Variants in BCAR3 observed in about 807,000 individuals in gnomAD.
The protein encoded by BCAR3 is BCAR3 adaptor protein, NSP family member.
A neutral mutation model predicts 80.1 loss-of-function variants in BCAR3; 37 were observed. The ratio of observed to expected loss-of-function variants is 0.46; its 90% CI spans 0.36 to 0.61. The LOEUF is 0.61. Ranked by LOEUF, BCAR3 falls within the 20% of genes least tolerant of loss-of-function variation. The pLI, the probability that BCAR3 is intolerant of heterozygous loss-of-function variation, is 0.00. For missense variants in BCAR3, 978 were observed against 1,068.2 expected (o/e 0.92, Z 1.18); for synonymous variants, 389 against 418.9 (o/e 0.93, Z 0.87).
chr1:93,745,038 G>C (rs1027449743), intron 2 of BCAR3, among the ~76,000 whole-genome samples: 5 of 152,194 alleles, frequency 3.3e-5, no homozygotes, highest in Non-Finnish European at 7.3e-5. Context: ...TACCCAGCAG[G>C]TACACTCTTG....
At chr1:93,726,312 A>G (rs946772745) in intron 2 of BCAR3, among the ~76,000 whole-genome samples, 2 of 152,108 alleles carry the variant, frequency 1.3e-5, no homozygotes, top group African/African-American at 2.4e-5. Context: ...GGTTCAAGCA[A>G]TCCTCCCACC....
At chr1:93,643,947 A>G (rs1676076184) in intron 2 of BCAR3, among the ~76,000 whole-genome samples, 1 of 152,244 alleles carries the variant, frequency 6.6e-6, no homozygotes, top group Admixed American at 6.5e-5. Context: ...ATCTTGTCCA[A>G]ATTCCTATCT....
At chr1:93,566,955 T>C (rs1238433668) in intron 11 of BCAR3, among the ~76,000 whole-genome samples, 1 of 152,166 alleles carries the variant, frequency 6.6e-6, no homozygotes, top group Non-Finnish European at 1.5e-5. Context: ...CTTGAACTCC[T>C]GACTTCAAGT....
intron 2 of BCAR3, among the ~76,000 whole-genome samples, chr1:93,673,052 G>C (rs777746144): frequency 6.6e-6 from 1 of 152,098 alleles, no homozygotes; most frequent in African/African-American, 2.4e-5. Context: ...AGCCTGGAAG[G>C]CCCATGGTTG....
Position 93,615,377 on chromosome 1 carries a change from C to T in BCAR3, c.358-22984G>A, listed in dbSNP as rs924919892. On this transcript the variant is annotated intron_variant, in intron 3 of 11. Transcript: ENST00000260502. ...TCTCACACCCACGCAAGGGCAAGGG[C>T]CCGGCCTCATCAACGTGTCAACATG... 2.0e-5 allele frequency among the ~76,000 whole-genome samples: 3 copies of T among 152,182 alleles called. No homozygotes were observed. The East Asian group carries it at 5.8e-4, about 29-fold the overall frequency.
intron 5 of BCAR3, among the ~76,000 whole-genome samples, chr1:93,587,699 G>C (rs59146516): frequency 0.14 from 18,329 of 134,270 alleles, 2,958 homozygotes; most frequent in African/African-American, 0.48. Context: ...GGACCCCCCC[G>C]CCAAAAAAAA....
chr1:93,742,428 T>C (rs1031004529), intron 2 of BCAR3, among the ~76,000 whole-genome samples: 4 of 152,220 alleles, frequency 2.6e-5, no homozygotes, highest in Non-Finnish European at 5.9e-5. Context: ...TAGGTGCTAA[T>C]AGTTTCTGAT....
intron 2 of BCAR3, among the ~76,000 whole-genome samples, chr1:93,758,794 T>C (rs142971383): frequency 1.5e-3 from 236 of 152,286 alleles, no homozygotes; most frequent in African/African-American, 5.3e-3. Flanking sequence ...CTGCCACCTA[T>C]CTTTATTTTT....
intron 1 of BCAR3, chr1:93,846,984 T>C (rs1655231375): frequency 5.2e-6 from 1 of 193,594 alleles, no homozygotes; most frequent in Non-Finnish European, 9.8e-6. Context: ...GCGGCGGCGC[T>C]CGCGCGCAGG....
intron 2 of BCAR3, among the ~76,000 whole-genome samples, chr1:93,836,681 T>A (rs1006809833): frequency 6.6e-6 from 1 of 152,072 alleles, no homozygotes; most frequent in Non-Finnish European, 1.5e-5. Context: ...AAGACAGGAA[T>A]GTCAGGCCTG....
intron 2 of BCAR3, among the ~76,000 whole-genome samples, chr1:93,797,076 T>C (rs900970094): frequency 1.2e-4 from 19 of 152,216 alleles, no homozygotes; most frequent in African/African-American, 4.6e-4. Context: ...TACCTTGTGC[T>C]TCTGCATCCA....
chr1:93,825,347 C>T (rs1419107389), intron 2 of BCAR3, among the ~76,000 whole-genome samples: 1 of 133,178 alleles, frequency 7.5e-6, no homozygotes, highest in African/African-American at 2.5e-5. Context: ...ATCCTACCCA[C>T]CCTACTTTCC....
intron 3 of BCAR3, among the ~76,000 whole-genome samples, chr1:93,703,121 A>G (rs2101974011): frequency 6.6e-6 from 1 of 152,376 alleles, no homozygotes; most frequent in Admixed American, 6.5e-5. Flanking sequence ...TGATCAGGCC[A>G]GGCCCTCCTT....
At chr1:93,667,699 T>C (rs2101938896) in intron 2 of BCAR3, among the ~76,000 whole-genome samples, 1 of 152,340 alleles carries the variant, frequency 6.6e-6, no homozygotes, top group Middle Eastern at 3.4e-3. Flanking sequence ...TGCTTGTCTT[T>C]GGGGCCTCTA....
At chr1:93,832,246 C>T (rs1654591861) in intron 2 of BCAR3, among the ~76,000 whole-genome samples, 1 of 152,234 alleles carries the variant, frequency 6.6e-6, no homozygotes, top group South Asian at 2.1e-4. Context: ...CAAACCCCAG[C>T]CACATCTCCA....
chr1:93,657,290 A>T (rs1163176860), intron 2 of BCAR3, among the ~76,000 whole-genome samples: 1 of 152,160 alleles, frequency 6.6e-6, no homozygotes, highest in African/African-American at 2.4e-5. Context: ...ATAAACATTT[A>T]AAAAAACCTG....
chr1:93,705,934 G>A (rs141736411), intron 3 of BCAR3, among the ~76,000 whole-genome samples: 197 of 152,284 alleles, frequency 1.3e-3, no homozygotes, highest in African/African-American at 4.6e-3. Context: ...AAACAACTAC[G>A]CTGGAGCTTC....
At chr1:93,698,967 G>T (rs1649533480) in intron 3 of BCAR3, among the ~76,000 whole-genome samples, 1 of 152,166 alleles carries the variant, frequency 6.6e-6, no homozygotes, top group Non-Finnish European at 1.5e-5. Flanking sequence ...TTTTGGCTTG[G>T]TACAGAAGGT....
intron 2 of BCAR3, among the ~76,000 whole-genome samples, chr1:93,744,590 A>G (rs151110144): frequency 1.3e-5 from 2 of 152,332 alleles, no homozygotes; most frequent in African/African-American, 4.8e-5. Context: ...TTTGAAAGCT[A>G]GAAGCATCCT....
Sources: gnomAD v4.1 joint callset for allele counts (sites outside exome capture counted in the v4.1 genomes callset) on GRCh38, gnomAD v4.1.1 for gene constraint, MANE v1.5 for transcripts, NCBI Gene and HGNC (gene_info 2026-07-23, HGNC 2026-07-21) for gene names.